The following PIP4K2A variants were observed in gnomAD, a reference collection of about 807,000 sequenced individuals.
The protein encoded by PIP4K2A is phosphatidylinositol 5-phosphate 4-kinase type-2 alpha.
Under a neutral mutation model 42.9 loss-of-function variants are expected in PIP4K2A, and 14 were observed. The ratio of observed to expected loss-of-function variants is 0.33; its 90% CI spans 0.22 to 0.51. The LOEUF (loss-of-function observed/expected upper bound fraction) is 0.51. PIP4K2A is among the 20% of genes least tolerant of loss of function. The pLI is 0.97. For synonymous variants in PIP4K2A, 192 were observed against 192.2 expected (o/e 1.00, Z 0.01); for missense variants, 434 against 519.8 (o/e 0.83, Z 1.61).
chr10:22,579,419 G>A (rs1369786844), intron 4 of PIP4K2A, among the ~76,000 whole-genome samples: 2 of 152,194 alleles, frequency 1.3e-5, no homozygotes, highest in Non-Finnish European at 2.9e-5. Flanking sequence ...ACTTCCCAAA[G>A]TTTGTATGCA....
chr10:22,656,033 G>C (rs77303453), intron 1 of PIP4K2A, among the ~76,000 whole-genome samples: 2 of 152,242 alleles, frequency 1.3e-5, no homozygotes, highest in Admixed American at 1.3e-4. Flanking sequence ...AGTTCCTATC[G>C]ATCTGCTCTA....
intron 5 of PIP4K2A, among the ~76,000 whole-genome samples, chr10:22,570,755 GCAAAAA>G (rs1033689872): frequency 6.6e-6 from 1 of 151,964 alleles, no homozygotes; most frequent in Non-Finnish European, 1.5e-5. Context: ...TATAAATAAT[GCAAAAA>G]CAATGGTGGG....
chr10:22,550,587 T>A (rs1836385865), intron 7 of PIP4K2A, 72 bp downstream of exon 7: 1 of 860,492 alleles, frequency 1.2e-6, no homozygotes, highest in Non-Finnish European at 2.0e-6. Context: ...ATAGATGGTT[T>A]AAAAAGCTCC....
At chr10:22,540,778 C>T (rs1836084184) in intron 8 of PIP4K2A, among the ~76,000 whole-genome samples, 1 of 152,170 alleles carries the variant, frequency 6.6e-6, no homozygotes, top group African/African-American at 2.4e-5. Flanking sequence ...TGGTCTCAAA[C>T]TCATGACCTC....
intron 1 of PIP4K2A, among the ~76,000 whole-genome samples, chr10:22,658,901 G>A (rs1044841744): frequency 6.6e-6 from 1 of 152,226 alleles, no homozygotes; most frequent in African/African-American, 2.4e-5. Flanking sequence ...ATGACTATCA[G>A]ATGACAAAGC....
At chr10:22,706,896 C>T (rs1202677298) in intron 1 of PIP4K2A, among the ~76,000 whole-genome samples, 1 of 152,046 alleles carries the variant, frequency 6.6e-6, no homozygotes, top group Non-Finnish European at 1.5e-5. Context: ...ATGCCAAGAA[C>T]AACGATGATG....
At chr10:22,537,506 C>T (rs1835967672) in intron 9 of PIP4K2A, among the ~76,000 whole-genome samples, 1 of 152,144 alleles carries the variant, frequency 6.6e-6, no homozygotes, top group Non-Finnish European at 1.5e-5. Context: ...CAAAGGGCGA[C>T]AGGAGCACCA....
intron 1 of PIP4K2A, among the ~76,000 whole-genome samples, chr10:22,680,982 G>C (rs1839648323): frequency 6.6e-6 from 1 of 152,122 alleles, no homozygotes; most frequent in Non-Finnish European, 1.5e-5. Context: ...CCTTATCCCA[G>C]AGACTAGGGT....
intron 1 of PIP4K2A, among the ~76,000 whole-genome samples, chr10:22,712,784 CCAAA>C (rs1833932701): frequency 6.6e-6 from 1 of 152,154 alleles, no homozygotes; most frequent in African/African-American, 2.4e-5. Context: ...CTCAACTTTT[CCAAA>C]AACACTCACT....
At chr10:22,639,901 T>C (rs1011599407) in intron 1 of PIP4K2A, among the ~76,000 whole-genome samples, 3 of 152,258 alleles carry the variant, frequency 2.0e-5, no homozygotes, top group African/African-American at 7.2e-5. Flanking sequence ...AGGAAATTAC[T>C]ATGCTGAATT....
In PIP4K2A at chr10:22,537,186, A is replaced by T; in HGVS notation, c.*15T>A. 1 of 1,590,062 alleles carries T rather than the reference A, an allele frequency of 6.3e-7. No homozygotes were observed. Among genetic ancestry groups the T allele is most frequent in the Non-Finnish European group, 8.6e-7 (1 of 1,163,960 alleles). The stretch of plus-strand genomic sequence containing the variant: ...TCCATCCAATGTTCATGTCTGTCCG[A>T]GGCTGCGCAGGAGGTTACGTCAAGA... On this transcript the variant is annotated 3_prime_UTR_variant, in exon 10 of 10. Coordinates refer to ENST00000376573, the MANE Select transcript of PIP4K2A (RefSeq NM_005028.5).
chr10:22,576,049 A>G (rs1300662435), intron 4 of PIP4K2A, among the ~76,000 whole-genome samples: 1 of 152,108 alleles, frequency 6.6e-6, no homozygotes, highest in East Asian at 1.9e-4. Context: ...AATACCTAAA[A>G]CTCCTGAGGA....
chr10:22,675,643 C>A (rs937179928), intron 1 of PIP4K2A, among the ~76,000 whole-genome samples: 1 of 152,048 alleles, frequency 6.6e-6, no homozygotes, highest in African/African-American at 2.4e-5. Flanking sequence ...TAAGAAATGT[C>A]AATAAACAAG....
At chr10:22,596,077 T>G (rs1326296393) in intron 3 of PIP4K2A, among the ~76,000 whole-genome samples, 1 of 151,488 alleles carries the variant, frequency 6.6e-6, no homozygotes, top group Admixed American at 6.6e-5. Context: ...TGGTGGGGCA[T>G]GCCTGTAATC....
chr10:22,544,280 G>C (rs904740060), intron 7 of PIP4K2A, among the ~76,000 whole-genome samples: 3 of 150,750 alleles, frequency 2.0e-5, no homozygotes, highest in Non-Finnish European at 3.0e-5. Flanking sequence ...ATACTGCATT[G>C]TAAGTACCCA....
intron 1 of PIP4K2A, among the ~76,000 whole-genome samples, chr10:22,688,858 C>T (rs1300764004): frequency 4.6e-5 from 7 of 152,128 alleles, no homozygotes; most frequent in Admixed American, 2.6e-4. Flanking sequence ...GACTGGATAA[C>T]GGGGTGTTCC....
chr10:22,602,011 G>A (rs1382065942), intron 3 of PIP4K2A, among the ~76,000 whole-genome samples: 1 of 152,154 alleles, frequency 6.6e-6, no homozygotes, highest in Non-Finnish European at 1.5e-5. Flanking sequence ...GGGTGACGGA[G>A]GCTTGGCTCA....
chr10:22,598,172 G>A (rs563017934), intron 3 of PIP4K2A, among the ~76,000 whole-genome samples: 1 of 152,232 alleles, frequency 6.6e-6, no homozygotes, highest in East Asian at 1.9e-4. Context: ...AGCCTGGGCA[G>A]CATAGTAAGG....
intron 1 of PIP4K2A, among the ~76,000 whole-genome samples, chr10:22,673,892 C>T (rs1839504453): frequency 6.6e-6 from 1 of 152,142 alleles, no homozygotes; most frequent in African/African-American, 2.4e-5. Context: ...ATTATACGGT[C>T]CCTCAAACAG....
Sources: gnomAD v4.1 joint callset for allele counts (sites outside exome capture counted in the v4.1 genomes callset) on GRCh38, gnomAD v4.1.1 for gene constraint, MANE v1.5 for transcripts, NCBI Gene and HGNC (gene_info 2026-07-23, HGNC 2026-07-21) for gene names.